Variants in SPIRE1 observed in about 807,000 individuals in gnomAD.
SPIRE1 encodes protein spire homolog 1.
In SPIRE1, 40 loss-of-function variants were observed where a neutral mutation model predicts 94.1. The ratio of observed to expected loss-of-function variants is 0.43; its 90% CI spans 0.33 to 0.55. The LOEUF (loss-of-function observed/expected upper bound fraction) is 0.55. Among genes scored for constraint, SPIRE1 ranks in the 20% least tolerant of loss-of-function variants. SPIRE1 has a pLI of 0.06. For synonymous variants in SPIRE1, 376 were observed against 371.7 expected, an observed-to-expected ratio of 1.01 and a Z score of -0.13; for missense variants, 838 against 975.2, an observed-to-expected ratio of 0.86 and a Z score of 1.87.
intron 2 of SPIRE1, among the ~76,000 whole-genome samples, chr18:12,598,706 A>G (rs1334474570): frequency 6.6e-6 from 1 of 152,128 alleles, no homozygotes; most frequent in Non-Finnish European, 1.5e-5. Context: ...GTCACTGGCA[A>G]TCACCTAAAA....
chr18:12,517,538 C>CTTTT (rs1046011407), intron 4 of SPIRE1, among the ~76,000 whole-genome samples: 6 of 151,854 alleles, frequency 4.0e-5, no homozygotes, highest in Non-Finnish European at 5.9e-5. Flanking sequence ...AATGATTTTT[C>CTTTT]TTTTTTTTGC....
rs1213246658 is a variant in SPIRE1 at position 12,492,316 on chromosome 18, G to C, written c.1189+756C>G. ...TACCACTATAGACCGTTTTCGTAAA[G>C]GCAGTTTCTCTGGATTCTTTGGGCA... On this transcript the variant is annotated intron_variant, in intron 8 of 16. Transcript: ENST00000409402. 2.6e-5 allele frequency among the ~76,000 whole-genome samples: 4 copies of C among 152,314 alleles called. No homozygotes were observed. The East Asian group carries it at 7.7e-4, about 29-fold the overall frequency.
At chr18:12,570,663 G>A (rs1036953576) in intron 2 of SPIRE1, among the ~76,000 whole-genome samples, 3 of 152,126 alleles carry the variant, frequency 2.0e-5, no homozygotes, top group African/African-American at 7.2e-5. Context: ...ATATAACAAA[G>A]CCAGGCTGGA....
At chr18:12,521,014 G>A (rs566152758) in intron 4 of SPIRE1, among the ~76,000 whole-genome samples, 2 of 152,148 alleles carry the variant, frequency 1.3e-5, no homozygotes, top group African/African-American at 4.8e-5. Flanking sequence ...AAGAGATTGG[G>A]GGGTGGAAAA....
At chr18:12,479,969 A>T in intron 9 of SPIRE1, 98 bp from the exon 10 acceptor site, 2 of 1,199,818 alleles carry the variant, frequency 1.7e-6, no homozygotes, top group Non-Finnish European at 2.3e-6. Flanking sequence ...AAAAACACAG[A>T]GGCTTGATTC....
intron 2 of SPIRE1, among the ~76,000 whole-genome samples, chr18:12,631,686 A>G (rs7238080): frequency 0.56 from 84,931 of 151,876 alleles, 24,933 homozygotes; most frequent in Middle Eastern, 0.76. Context: ...CCAGCCTGGC[A>G]AAACCCTGTC....
intron 12 of SPIRE1, among the ~76,000 whole-genome samples, chr18:12,460,432 G>A (rs1339933381): frequency 2.0e-5 from 3 of 152,200 alleles, no homozygotes; most frequent in Non-Finnish European, 4.4e-5. Flanking sequence ...AAAATTATCA[G>A]CCGGGCACAG....
chr18:12,579,287 A>G (rs1282037634), intron 2 of SPIRE1, among the ~76,000 whole-genome samples: 1 of 151,948 alleles, frequency 6.6e-6, no homozygotes, highest in East Asian at 1.9e-4. Flanking sequence ...TGTGCATACA[A>G]TGGAATATTA....
rs2035623545 is a variant in SPIRE1 at position 12,559,484 on chromosome 18, G to A, written c.373-12580C>T. Among the ~76,000 whole-genome samples, 1 of 152,180 alleles carries A rather than the reference G, an allele frequency of 6.6e-6. No individual in the cohort carries two copies. Among genetic ancestry groups the A allele is most frequent in the South Asian group, 2.1e-4 (1 of 4,828 alleles). On this transcript the variant is annotated intron_variant, in intron 2 of 16. Coordinates refer to ENST00000409402, the MANE Select transcript of SPIRE1 (RefSeq NM_001128626.2). This position sits in a 1 kb window ranked among gnomAD's most constrained non-coding sequence, Gnocchi z 4.7. Reference sequence around the variant, plus strand: ...CGCGCCTCTCCCTCCACACCTCCCTGCAAGCAGAGGGAGCCGGCTCCGGCT... The same window carrying A: ...CGCGCCTCTCCCTCCACACCTCCCTACAAGCAGAGGGAGCCGGCTCCGGCT...
intron 4 of SPIRE1, among the ~76,000 whole-genome samples, chr18:12,525,368 G>A (rs924785205): frequency 2.0e-5 from 3 of 149,776 alleles, no homozygotes; most frequent in South Asian, 4.2e-4. Flanking sequence ...ATTGTTTATC[G>A]TGATGCTAGT....
chr18:12,641,296 A>G (rs2038076388), intron 1 of SPIRE1, among the ~76,000 whole-genome samples: 1 of 152,106 alleles, frequency 6.6e-6, no homozygotes, highest in South Asian at 2.1e-4. Flanking sequence ...AAAAAAACCC[A>G]TAGTTTTGTA....
At chr18:12,565,071 C>CA (rs2035783653) in intron 2 of SPIRE1, among the ~76,000 whole-genome samples, 1 of 152,024 alleles carries the variant, frequency 6.6e-6, no homozygotes, top group Admixed American at 6.6e-5. Context: ...ACTACAGGTC[C>CA]AAAATTTTAA....
At chr18:12,468,492 G>A (rs1399034252) in intron 10 of SPIRE1, among the ~76,000 whole-genome samples, 1 of 152,100 alleles carries the variant, frequency 6.6e-6, no homozygotes, top group East Asian at 1.9e-4. Flanking sequence ...TCTCAGTGAC[G>A]TCCTATGAAA....
Position 12,657,513 on chromosome 18 carries a change from G to A in SPIRE1, c.337+17C>T. 1 of 1,230,026 alleles carries A rather than the reference G, an allele frequency of 8.1e-7. No homozygotes were observed. The allele number at this position is 1,230,026 out of a possible 1,614,324, so 76.2% of individuals were successfully genotyped here. On this transcript the variant is annotated intron_variant, in intron 1 of 16. Coordinates refer to ENST00000409402, the MANE Select transcript of SPIRE1 (RefSeq NM_001128626.2). ...GTGTTCCAAGAACTACGAGGGAAAGGGGCCCGGCGGCCTCACCCGCAACTG... is the reference window on the plus strand; with the variant it reads ...GTGTTCCAAGAACTACGAGGGAAAGAGGCCCGGCGGCCTCACCCGCAACTG...
intron 2 of SPIRE1, among the ~76,000 whole-genome samples, chr18:12,584,049 C>T (rs1290655774): frequency 6.6e-6 from 1 of 152,024 alleles, no homozygotes; most frequent in Non-Finnish European, 1.5e-5. Context: ...ATTAAAAATA[C>T]GCTTAAAGCA....
chr18:12,498,818 G>T (rs1027899942), intron 6 of SPIRE1, among the ~76,000 whole-genome samples: 1 of 152,008 alleles, frequency 6.6e-6, no homozygotes, highest in African/African-American at 2.4e-5. Context: ...TAGAATTGGG[G>T]GTCTATGTTG....
chr18:12,589,079 A>C (rs2144577181), intron 2 of SPIRE1, among the ~76,000 whole-genome samples: 1 of 152,344 alleles, frequency 6.6e-6, no homozygotes, highest in East Asian at 1.9e-4. Context: ...GCTGACATCT[A>C]CTGAGCTTCT....
chr18:12,474,523 C>A (rs1242076224), intron 10 of SPIRE1, among the ~76,000 whole-genome samples: 1 of 152,116 alleles, frequency 6.6e-6, no homozygotes, highest in African/African-American at 2.4e-5. Flanking sequence ...AGTTTTGGCA[C>A]TTAAAAACAT....
chr18:12,628,983 A>G (rs2037706580), intron 2 of SPIRE1, among the ~76,000 whole-genome samples: 1 of 152,228 alleles, frequency 6.6e-6, no homozygotes, highest in Admixed American at 6.5e-5. Flanking sequence ...AGTCTTTTTA[A>G]TAGTTTCCCT....
Sources: gnomAD v4.1 joint callset for allele counts (sites outside exome capture counted in the v4.1 genomes callset) on GRCh38, gnomAD v4.1.1 for gene constraint, Gnocchi (gnomAD v3.1) non-coding constraint, MANE v1.5 for transcripts, NCBI Gene and HGNC (gene_info 2026-07-23, HGNC 2026-07-21) for gene names.